The following LIMK1 variants were observed in gnomAD, a reference collection of about 807,000 sequenced individuals.
LIMK1 encodes the protein LIM motif-containing protein kinase.
In LIMK1, 21 loss-of-function variants were observed where a neutral mutation model predicts 77.6. That is an observed-to-expected ratio of 0.27 (90% CI 0.19 to 0.39). LIMK1 has a LOEUF of 0.39. LIMK1 is among the 10% of genes least tolerant of loss of function. The pLI is 1.00. For synonymous variants in LIMK1, 358 were observed against 370.0 expected (o/e 0.97, Z 0.37); for missense variants, 696 against 901.6 (o/e 0.77, Z 2.92).
chr7:74,095,413 A>G (rs1461467529), intron 2 of LIMK1, among the ~76,000 whole-genome samples: 1 of 151,908 alleles, frequency 6.6e-6, no homozygotes, highest in African/African-American at 2.4e-5. Flanking sequence ...CATTTGGTTT[A>G]TTTTATTTTT....
intron 5 of LIMK1, among the ~76,000 whole-genome samples, chr7:74,102,087 G>T (rs1799471175): frequency 6.6e-6 from 1 of 152,132 alleles, no homozygotes. Flanking sequence ...GCTTCCCAAA[G>T]TGCTAGGATT....
At position 74,085,736 on chromosome 7, in the gene LIMK1, C is replaced by A; in HGVS notation, c.56-12C>A. Reference sequence around the variant, plus strand: ...CCTGAGAATGCTTCCCAACTCCCTTCCCACCCTGCAGGAAGCGAGTTGCCC... The same window carrying A: ...CCTGAGAATGCTTCCCAACTCCCTTACCACCCTGCAGGAAGCGAGTTGCCC... On this transcript the variant is annotated splice_polypyrimidine_tract_variant and intron_variant, in intron 1 of 15. Transcript: ENST00000336180. 2 of 1,550,736 alleles carry A rather than the reference C, an allele frequency of 1.3e-6. No homozygotes were observed. Among genetic ancestry groups the A allele is most frequent in the Non-Finnish European group, 1.7e-6 (2 of 1,146,826 alleles).
intron 10 of LIMK1, chr7:74,110,487 A>G (rs1799673578): frequency 6.6e-6 from 1 of 152,200 alleles, no homozygotes. Flanking sequence ...TGTCTGTGAA[A>G]GTAGGTTCTA....
At chr7:74,100,262 G>A (rs538579952) in intron 5 of LIMK1, among the ~76,000 whole-genome samples, 1 of 152,254 alleles carries the variant, frequency 6.6e-6, no homozygotes, top group African/African-American at 2.4e-5. Context: ...GGCTGATAAA[G>A]ATTAGATTAC....
chr7:74,097,718 C>G (rs1257725643), intron 4 of LIMK1, among the ~76,000 whole-genome samples: 2 of 152,190 alleles, frequency 1.3e-5, no homozygotes, highest in Admixed American at 1.3e-4. Context: ...CTGGCCATGA[C>G]TGCAGCATGG....
intron 8 of LIMK1, 142 bp from the exon 9 acceptor site, chr7:74,107,729 T>A: frequency 1.7e-6 from 1 of 598,120 alleles, no homozygotes; most frequent in South Asian, 2.1e-5. Context: ...TCCACTTGGG[T>A]ATTTGGGAAC....
intron 2 of LIMK1, among the ~76,000 whole-genome samples, chr7:74,092,343 C>T (rs1799254123): frequency 6.6e-6 from 1 of 152,128 alleles, no homozygotes; most frequent in South Asian, 2.1e-4. Flanking sequence ...TTGAGGAAGT[C>T]CCACGCTGAT....
chr7:74,085,071 G>A (rs1361887288), intron 1 of LIMK1, among the ~76,000 whole-genome samples: 11 of 152,178 alleles, frequency 7.2e-5, no homozygotes, highest in African/African-American at 2.7e-4. Flanking sequence ...AGAGGGGCAG[G>A]TCTGGGGCAT....
intron 12 of LIMK1, among the ~76,000 whole-genome samples, chr7:74,114,037 G>A (rs949618955): frequency 6.6e-6 from 1 of 151,968 alleles, no homozygotes; most frequent in Non-Finnish European, 1.5e-5. Context: ...GATCACTTGA[G>A]GTCAGGAGTT....
In LIMK1 at chr7:74,115,836, C is replaced by T. The variant is rs782279860; in HGVS notation, c.1445C>T (p.Ala482Val). The change falls in exon 13 of 16, where the codon GCG (alanine) becomes GTG (valine). Residue 482 changes from alanine to valine, a missense_variant. By Grantham distance (64) the Ala-to-Val change is moderately conservative. Coordinates refer to ENST00000336180, the MANE Select transcript of LIMK1 (RefSeq NM_002314.4). ...KNVVVADFGL[A>V]RLMVDEKTQP... is the part of the protein sequence containing the mutation. ...GTGGTGGTGGCTGACTTCGGGCTGGCGCGTCTCATGGTGGACGAGAAGACT... is the reference window on the plus strand; with the variant it reads ...GTGGTGGTGGCTGACTTCGGGCTGGTGCGTCTCATGGTGGACGAGAAGACT... The T allele has an allele frequency of 6.2e-7, 1 of 1,614,036 alleles. No individual in the cohort carries two copies. Among genetic ancestry groups the T allele is most frequent in the South Asian group, 1.1e-5 (1 of 91,084 alleles).
At chr7:74,103,501 A>G (rs1396629170) in intron 5 of LIMK1, among the ~76,000 whole-genome samples, 4 of 152,186 alleles carry the variant, frequency 2.6e-5, no homozygotes, top group African/African-American at 7.2e-5. Flanking sequence ...GCCAGGAGAC[A>G]TATGATGTCA....
chr7:74,102,484 C>CTTTTTTTTTTTTGTTTTTTTTTTTTT (rs1799483166), intron 5 of LIMK1, among the ~76,000 whole-genome samples: 1 of 54,042 alleles, frequency 1.9e-5, no homozygotes, highest in Non-Finnish European at 3.5e-5. Flanking sequence ...AGGACCTTCT[C>CTTTTTTTTTTTTGTTTTTTTTTTTTT]TTTTTTTTTT....
At chr7:74,086,886 C>G (rs781890450) in intron 2 of LIMK1, among the ~76,000 whole-genome samples, 2 of 152,134 alleles carry the variant, frequency 1.3e-5, no homozygotes, top group Non-Finnish European at 2.9e-5. Context: ...AGGCTGCTTG[C>G]GAACATGCAT....
chr7:74,111,539 C>A lies in LIMK1; in HGVS notation c.1285-109C>A, dbSNP rs1212316202. 1.2e-5 allele frequency: 10 copies of A among 858,060 alleles called. No individual in the cohort carries two copies. In the African/African-American group the frequency reaches 1.5e-4, roughly 13 times the overall value. The allele number at this position is 858,060 out of a possible 1,614,324, so 53.2% of individuals were successfully genotyped here. The stretch of plus-strand genomic sequence containing the variant: ...CCGAAGAAATCGGGGTGTTGGGGAG[C>A]CCAGGGACCCTCTAGGACGCTTGCC... On this transcript the variant is annotated intron_variant, in intron 10 of 15. Transcript: ENST00000336180.
chr7:74,099,769 A>G (rs1438707521), intron 5 of LIMK1, among the ~76,000 whole-genome samples: 2 of 152,096 alleles, frequency 1.3e-5, no homozygotes, highest in Non-Finnish European at 2.9e-5. Context: ...AAAAATAAAA[A>G]GACATTTTCT....
intron 13 of LIMK1, among the ~76,000 whole-genome samples, chr7:74,116,196 C>T (rs890863468): frequency 6.6e-6 from 1 of 152,128 alleles, no homozygotes; most frequent in Non-Finnish European, 1.5e-5. Context: ...TAGTTGGAGA[C>T]CAGCCTAGCC....
At chr7:74,112,129 G>T (rs116217334) in intron 12 of LIMK1, 131 bp downstream of exon 12, 16 of 735,330 alleles carry the variant, frequency 2.2e-5, no homozygotes, top group Admixed American at 5.4e-5. Context: ...AGGTGGGGGT[G>T]GGGGGCAGCA....
At chr7:74,105,777 C>A in intron 5 of LIMK1, 98 bp from the exon 6 acceptor site, 1 of 761,106 alleles carries the variant, frequency 1.3e-6, no homozygotes, top group Non-Finnish European at 2.2e-6. Context: ...GTAGAATCCT[C>A]CACCTGCTCA....
intron 12 of LIMK1, among the ~76,000 whole-genome samples, chr7:74,113,624 CAA>C (rs1193175392): frequency 1.5e-5 from 2 of 135,394 alleles, no homozygotes; most frequent in Non-Finnish European, 1.6e-5. Context: ...GACACCGTCT[CAA>C]AAAAAAAAAA....
Sources: gnomAD v4.1 joint callset for allele counts (sites outside exome capture counted in the v4.1 genomes callset) on GRCh38, gnomAD v4.1.1 for gene constraint, MANE v1.5 for transcripts, NCBI Gene and HGNC (gene_info 2026-07-23, HGNC 2026-07-21) for gene names.